PTCHD4: variants seen among roughly 807,000 people sequenced by gnomAD.
The protein encoded by PTCHD4 is patched domain containing 4.
In PTCHD4, 33 loss-of-function variants were observed where a neutral mutation model predicts 58.1. That is an observed-to-expected ratio of 0.57 (90% CI 0.43 to 0.76). The LOEUF (loss-of-function observed/expected upper bound fraction) is 0.76, where lower values mean the gene tolerates loss of function less well. PTCHD4 is among the 30% of genes least tolerant of loss of function. The probability of loss-of-function intolerance (pLI) is 0.00; values close to 1 mark genes in which losing one functional copy is unlikely to be tolerated. For missense variants in PTCHD4, 1,058 were observed against 1,027.1 expected, an observed-to-expected ratio of 1.03 and a Z score of -0.41; for synonymous variants, 478 against 409.6, an observed-to-expected ratio of 1.17 and a Z score of -2.02.
At chr6:47,977,529 G>T (rs900864355) in intron 4 of PTCHD4, among the ~76,000 whole-genome samples, 4 of 152,272 alleles carry the variant, frequency 2.6e-5, no homozygotes, top group South Asian at 2.1e-4. Flanking sequence ...AGCTTGGAAA[G>T]GATCCTGCCC....
At chr6:47,977,885 AGTG>A (rs1767752860) in intron 4 of PTCHD4, among the ~76,000 whole-genome samples, 1 of 152,186 alleles carries the variant, frequency 6.6e-6, no homozygotes, top group Admixed American at 6.5e-5. Flanking sequence ...TATTTCTTTT[AGTG>A]GATTAATTTT....
At chr6:48,088,436 T>C (rs1192734809) in intron 1 of PTCHD4, among the ~76,000 whole-genome samples, 2 of 152,170 alleles carry the variant, frequency 1.3e-5, no homozygotes, top group Non-Finnish European at 2.9e-5. Flanking sequence ...CTCCGTTTAA[T>C]GACTGTCAAC....
chr6:47,997,163 T>C (rs1446055464), intron 4 of PTCHD4, among the ~76,000 whole-genome samples: 1 of 152,180 alleles, frequency 6.6e-6, no homozygotes, highest in African/African-American at 2.4e-5. Context: ...AACCTACATG[T>C]TAGGTGCCTT....
chr6:48,052,424 G>T (rs1764267103), intron 3 of PTCHD4, among the ~76,000 whole-genome samples: 1 of 151,840 alleles, frequency 6.6e-6, no homozygotes, highest in Non-Finnish European at 1.5e-5. Context: ...GTTTTAAAGA[G>T]AAATGAGAAA....
chr6:48,104,540 C>A (rs976789354), intron 1 of PTCHD4, among the ~76,000 whole-genome samples: 2 of 152,126 alleles, frequency 1.3e-5, no homozygotes, highest in Non-Finnish European at 2.9e-5. Flanking sequence ...GAAACTGCAC[C>A]AACTAATGAG....
chr6:48,016,000 C>T (rs1762853882), intron 3 of PTCHD4, among the ~76,000 whole-genome samples: 1 of 151,806 alleles, frequency 6.6e-6, no homozygotes, highest in Non-Finnish European at 1.5e-5. Flanking sequence ...TGAAAAGAGG[C>T]ATATGTAGAA....
At chr6:48,041,786 C>T (rs1412405389) in intron 3 of PTCHD4, among the ~76,000 whole-genome samples, 2 of 151,710 alleles carry the variant, frequency 1.3e-5, no homozygotes, top group Admixed American at 6.6e-5. Context: ...GAAGTTTAAC[C>T]GTAATTGCTA....
chr6:48,009,250 A>G (rs1582013685), intron 3 of PTCHD4, 136 bp from the exon 4 acceptor site: 1 of 925,860 alleles, frequency 1.1e-6, no homozygotes, highest in African/African-American at 1.7e-5. Context: ...TGGAGAGGCA[A>G]GTTAGAATTT....
intron 3 of PTCHD4, among the ~76,000 whole-genome samples, chr6:48,018,543 GTTC>G (rs1201067083): frequency 2.0e-5 from 3 of 152,224 alleles, no homozygotes; most frequent in Non-Finnish European, 4.4e-5. Flanking sequence ...TCTGGAGAGA[GTTC>G]TTCTCAAATG....
intron 3 of PTCHD4, among the ~76,000 whole-genome samples, chr6:48,019,898 T>A (rs190076442): frequency 7.9e-5 from 12 of 152,104 alleles, no homozygotes; most frequent in Admixed American, 3.3e-4. Context: ...ATTATCCAAA[T>A]AAAGCTGGAA....
intron 3 of PTCHD4, among the ~76,000 whole-genome samples, chr6:48,019,861 T>C (rs1408671027): frequency 6.6e-6 from 1 of 152,190 alleles, no homozygotes; most frequent in Non-Finnish European, 1.5e-5. Flanking sequence ...GATGTTACCT[T>C]AGCTGAGTCC....
rs1763849208 is a variant in PTCHD4 at position 47,876,400 on chromosome 6, A to G, written c.*1903T>C. Among the ~76,000 whole-genome samples, 1 of 152,010 alleles carries G rather than the reference A, an allele frequency of 6.6e-6. No homozygotes were observed. The highest frequency in any genetic ancestry group is 2.4e-5 in the African/African-American group (1 of 41,426). ...AGGTAAAACAAAACAAACTCCATTT[A>G]ATAAATGAAATATTACTTAAATGTT... On this transcript the variant is annotated 3_prime_UTR_variant, in exon 5 of 5. Coordinates refer to ENST00000339488, the MANE Select transcript of PTCHD4 (RefSeq NM_001384253.1).
intron 4 of PTCHD4, among the ~76,000 whole-genome samples, chr6:47,895,342 A>T (rs1301966645): frequency 2.0e-5 from 3 of 152,196 alleles, no homozygotes; most frequent in African/African-American, 7.2e-5. Context: ...AAAATAAAAC[A>T]GGTCCACATT....
At chr6:47,925,815 T>C (rs932049427) in intron 4 of PTCHD4, among the ~76,000 whole-genome samples, 4 of 152,204 alleles carry the variant, frequency 2.6e-5, no homozygotes, top group Non-Finnish European at 5.9e-5. Flanking sequence ...TATCAGGGCT[T>C]GTTTCCCACT....
chr6:47,999,835 CATA>C (rs1768651876), intron 4 of PTCHD4, among the ~76,000 whole-genome samples: 1 of 152,060 alleles, frequency 6.6e-6, no homozygotes, highest in Admixed American at 6.6e-5. Context: ...CAGAAAGAAC[CATA>C]ATATTTCAAC....
In PTCHD4 at chr6:47,860,602, C is replaced by A. The variant is rs938652042; in HGVS notation, c.*17701G>T. 6.6e-6 allele frequency among the ~76,000 whole-genome samples: 1 copy of A among 151,988 alleles called. No homozygotes were observed. Among genetic ancestry groups the A allele is most frequent in the Admixed American group, 6.6e-5 (1 of 15,242 alleles). On this transcript the variant is annotated 3_prime_UTR_variant, in exon 5 of 5. Transcript: ENST00000339488. ...CTTTACATTAGCACTACTGCCCATT[C>A]TTCACAATGTCTATCTTCCTTTATG...
In PTCHD4 at chr6:47,876,094, A is replaced by G. The variant is rs1331112818; in HGVS notation, c.*2209T>C. On this transcript the variant is annotated 3_prime_UTR_variant, in exon 5 of 5. Coordinates refer to ENST00000339488, the MANE Select transcript of PTCHD4 (RefSeq NM_001384253.1). ...CCCACTACAAAACTCCCACCCAAAC[A>G]AAAAATCAAAACCCAACCAAAAACC... Among the ~76,000 whole-genome samples, 2 of 151,614 alleles carry G rather than the reference A, an allele frequency of 1.3e-5. No homozygotes were observed. Among genetic ancestry groups the G allele is most frequent in the African/African-American group, 2.4e-5 (1 of 41,322 alleles).
intron 4 of PTCHD4, among the ~76,000 whole-genome samples, chr6:47,974,861 G>A (rs1294028083): frequency 2.6e-5 from 4 of 152,194 alleles, no homozygotes; most frequent in Non-Finnish European, 5.9e-5. Flanking sequence ...AACCAATCTG[G>A]AGTTGAAAAC....
intron 4 of PTCHD4, among the ~76,000 whole-genome samples, chr6:47,915,695 A>T (rs1166030191): frequency 1.3e-5 from 2 of 151,964 alleles, no homozygotes. Flanking sequence ...AATAAATTAC[A>T]GTGCTTGACA....
Sources: gnomAD v4.1 joint callset for allele counts (sites outside exome capture counted in the v4.1 genomes callset) on GRCh38, gnomAD v4.1.1 for gene constraint, MANE v1.5 for transcripts, NCBI Gene and HGNC (gene_info 2026-07-23, HGNC 2026-07-21) for gene names.